Variants in CFAP47 observed in about 807,000 individuals in gnomAD.
CFAP47 encodes the protein cilia- and flagella-associated protein 47.
Under a neutral mutation model 148.1 loss-of-function variants are expected in CFAP47, and 29 were observed. The ratio of observed to expected loss-of-function variants is 0.20; its 90% CI spans 0.15 to 0.27. CFAP47 has a LOEUF of 0.27. Ranked by LOEUF, CFAP47 falls within the 10% of genes least tolerant of loss-of-function variation. CFAP47 has a pLI of 1.00. For missense variants in CFAP47, 1,872 were observed against 1,697.5 expected (o/e 1.10, Z -1.81); for synonymous variants, 664 against 577.3 (o/e 1.15, Z -2.15).
intron 46 of CFAP47, among the ~76,000 whole-genome samples, chrX:36,231,721 C>A (rs1940363414): frequency 9.0e-6 from 1 of 111,258 alleles, no homozygotes; most frequent in African/African-American, 3.3e-5. Flanking sequence ...CCAGTTTTTG[C>A]CCATTCAGTA....
At chrX:36,094,290 T>C (rs776618028) in intron 30 of CFAP47, among the ~76,000 whole-genome samples, 1 of 111,496 alleles carries the variant, frequency 9.0e-6, no homozygotes, top group South Asian at 3.7e-4. Flanking sequence ...TAGTATAATT[T>C]GAAATCAGGT....
At position 36,366,630 on chromosome X, in the gene CFAP47, A is replaced by G. The variant is rs781796093; in HGVS notation, c.9024-336A>G. 2.7e-5 allele frequency among the ~76,000 whole-genome samples: 3 copies of G among 110,221 alleles called. No individual in the cohort carries two copies. In the East Asian group the frequency reaches 8.5e-4, roughly 31 times the overall value. On this transcript the variant is annotated intron_variant, in intron 61 of 63. Transcript: ENST00000378653. ...GGTCTATTTTGCCAAATCCACCCTT[A>G]CCTTCTTATGCACTATGATAATCTA...
intron 49 of CFAP47, among the ~76,000 whole-genome samples, chrX:36,254,496 T>C (rs1265459035): frequency 9.1e-6 from 1 of 110,414 alleles, no homozygotes; most frequent in Non-Finnish European, 1.9e-5. Context: ...GGAGGTAATA[T>C]AAAAAACAGA....
chrX:36,165,202 A>G (rs1393354970), intron 39 of CFAP47, among the ~76,000 whole-genome samples: 1 of 111,877 alleles, frequency 8.9e-6, no homozygotes, highest in East Asian at 2.8e-4. Flanking sequence ...TATTTAATCA[A>G]TTCACAAATT....
At chrX:35,940,918 C>T (rs1176850125) in intron 2 of CFAP47, among the ~76,000 whole-genome samples, 4 of 111,401 alleles carry the variant, frequency 3.6e-5, no homozygotes, top group Non-Finnish European at 7.6e-5. Context: ...ATTGTACTTA[C>T]ATTTTGTAAG....
intron 13 of CFAP47, 71 bp from the exon 14 acceptor site, chrX:35,975,075 TG>T: frequency 1.6e-6 from 1 of 619,628 alleles, no homozygotes; most frequent in Non-Finnish European, 2.4e-6. Context: ...AAATATATTT[TG>T]AAAACTTAAA....
At chrX:36,255,556 T>G (rs1387688619) in intron 49 of CFAP47, among the ~76,000 whole-genome samples, 4 of 111,424 alleles carry the variant, frequency 3.6e-5, no homozygotes, top group Non-Finnish European at 3.8e-5. Context: ...CTTTTATTTT[T>G]TTTTTCAAGC....
At chrX:36,345,334 G>C (rs782381167) in intron 57 of CFAP47, among the ~76,000 whole-genome samples, 2 of 111,319 alleles carry the variant, frequency 1.8e-5, no homozygotes, top group Non-Finnish European at 3.8e-5. Context: ...ACAGGGTCGG[G>C]GGAGATTTTT....
intron 57 of CFAP47, among the ~76,000 whole-genome samples, chrX:36,331,037 G>T (rs1556013977): frequency 9.0e-6 from 1 of 111,498 alleles, no homozygotes; most frequent in Non-Finnish European, 1.9e-5. Context: ...CCTAGAAAGA[G>T]TTGTCTGTAT....
chrX:36,074,645 G>A (rs1006060040), intron 29 of CFAP47, among the ~76,000 whole-genome samples: 2 of 110,286 alleles, frequency 1.8e-5, no homozygotes, highest in Non-Finnish European at 3.8e-5. Flanking sequence ...ATAATTATAC[G>A]GTACACAGCG....
chrX:35,939,791 G>A (rs1386154443), intron 2 of CFAP47, among the ~76,000 whole-genome samples: 3 of 98,315 alleles, frequency 3.1e-5, no homozygotes, highest in African/African-American at 3.7e-5. Context: ...ATGATTTATA[G>A]TCCTTTGGGT....
At chrX:36,207,652 T>C (rs1020789396) in intron 45 of CFAP47, among the ~76,000 whole-genome samples, 1 of 111,473 alleles carries the variant, frequency 9.0e-6, no homozygotes, top group African/African-American at 3.3e-5. Flanking sequence ...TAATTTTACA[T>C]TATTGCTCTT....
At chrX:35,976,470 G>C (rs1038955196) in intron 15 of CFAP47, among the ~76,000 whole-genome samples, 1 of 111,576 alleles carries the variant, frequency 9.0e-6, no homozygotes, top group African/African-American at 3.3e-5. Flanking sequence ...TGTACACCTT[G>C]AATGTATACA....
Position 36,236,797 on chromosome X carries a change from G to C in CFAP47, c.7270G>C (p.Gly2424Arg). 1 of 515,966 alleles carries C rather than the reference G, an allele frequency of 1.9e-6. No homozygotes were observed. Among genetic ancestry groups the C allele is most frequent in the Non-Finnish European group, 3.5e-6 (1 of 283,079 alleles). 42.5% of individuals were successfully genotyped at this position (515,966 alleles called of 1,213,427 possible). A position where few individuals can be genotyped will look rare whatever the true frequency, so the allele number is the denominator to read the frequency against. The change falls in exon 48 of 64, where the codon GGG becomes CGG. Residue 2424 changes from glycine (G) to arginine (R), a missense_variant. By Grantham distance (125) the Gly-to-Arg change is moderately radical (BLOSUM62 -2). Transcript: ENST00000378653. ...ACACATCACTGTGGAATGTCAAGTG[G>C]GGAATGTGACACAAAAGCATATAAC... ...LEHITVECQVGNVTQKHITLP... is the reference protein window; with the variant it reads ...LEHITVECQVRNVTQKHITLP...
intron 49 of CFAP47, among the ~76,000 whole-genome samples, chrX:36,273,889 C>A (rs182924147): frequency 9.0e-6 from 1 of 110,586 alleles, no homozygotes; most frequent in East Asian, 2.8e-4. Flanking sequence ...TGTTTAGAAA[C>A]AAAATTAAAT....
intron 50 of CFAP47, among the ~76,000 whole-genome samples, chrX:36,283,353 A>G (rs1941099830): frequency 8.9e-6 from 1 of 111,771 alleles, no homozygotes; most frequent in Non-Finnish European, 1.9e-5. Context: ...TACTCAATGT[A>G]CATGTCTAGT....
chrX:36,128,622 T>G (rs1258025689), intron 33 of CFAP47, among the ~76,000 whole-genome samples: 1 of 110,745 alleles, frequency 9.0e-6, no homozygotes, highest in Non-Finnish European at 1.9e-5. Flanking sequence ...CAGAGCATAT[T>G]TAACATTTAA....
At chrX:36,371,880 ATG>A (rs1388660760) in intron 62 of CFAP47, among the ~76,000 whole-genome samples, 1 of 55,671 alleles carries the variant, frequency 1.8e-5, no homozygotes, top group Non-Finnish European at 2.7e-5. Flanking sequence ...ATGTGTATAT[ATG>A]TGTGCATATA....
chrX:36,381,473 A>G (rs1942077336), intron 63 of CFAP47, among the ~76,000 whole-genome samples: 1 of 112,130 alleles, frequency 8.9e-6, no homozygotes, highest in African/African-American at 3.2e-5. Flanking sequence ...TGGAAATAAA[A>G]ATGATGATTT....
Sources: allele counts gnomAD v4.1 joint callset (sites outside exome capture counted in the v4.1 genomes callset), GRCh38; gene constraint gnomAD v4.1.1; transcripts MANE v1.5; gene names NCBI Gene and HGNC (gene_info 2026-07-23, HGNC 2026-07-21).